Variants in DOCK9 observed in about 807,000 individuals in gnomAD.
The protein encoded by DOCK9 is dedicator of cytokinesis protein 9.
DOCK9 carries 89 observed loss-of-function variants against 263.3 expected under a neutral mutation model. The ratio of observed to expected loss-of-function variants is 0.34; its 90% CI spans 0.28 to 0.40. The LOEUF (loss-of-function observed/expected upper bound fraction) is 0.40. DOCK9 is among the 10% of genes least tolerant of loss of function. DOCK9 has a pLI of 1.00. For missense variants in DOCK9, 2,140 were observed against 2,603.4 expected (o/e 0.82, Z 3.87); for synonymous variants, 976 against 973.1 (o/e 1.00, Z -0.06).
At chr13:98,891,273 A>C (rs957809798) in intron 15 of DOCK9, among the ~76,000 whole-genome samples, 5 of 152,146 alleles carry the variant, frequency 3.3e-5, no homozygotes, top group Non-Finnish European at 5.9e-5. Flanking sequence ...GGTTTTATGA[A>C]GGTATCAATT....
chr13:99,025,443 C>T (rs1338124452), intron 1 of DOCK9: 1 of 152,170 alleles, frequency 6.6e-6, no homozygotes, highest in East Asian at 1.9e-4. Flanking sequence ...GTCAAAACGA[C>T]AATGAGCTTT....
Position 98,873,271 on chromosome 13 carries a change from G to A in DOCK9, c.2944-4894C>T, listed in dbSNP as rs1361682193. ...TCCTTTTCCCCAGAGAAAAGCTTAG[G>A]CTTATGGTTTCAGCAGATTGGTACT... On this transcript the variant is annotated intron_variant, in intron 27 of 52. Transcript: ENST00000682017. Among the ~76,000 whole-genome samples the A allele has an allele frequency of 3.3e-5, 5 of 152,286 alleles. No individual in the cohort carries two copies. In the East Asian group the frequency reaches 9.6e-4, roughly 29 times the overall value.
chr13:98,951,383 G>C (rs2057390595), intron 2 of DOCK9, among the ~76,000 whole-genome samples: 2 of 152,138 alleles, frequency 1.3e-5, no homozygotes, highest in African/African-American at 4.8e-5. Flanking sequence ...CCTAATGCTT[G>C]TAAAAATTTT....
At position 98,921,021 on chromosome 13, in the gene DOCK9, T is replaced by G. The variant is rs1201883311; in HGVS notation, c.650A>C (p.Lys217Thr). 1 of 1,603,516 alleles carries G rather than the reference T, an allele frequency of 6.2e-7. No homozygotes were observed. The highest frequency in any genetic ancestry group is 1.7e-5 in the Admixed American group (1 of 58,646). Reference protein sequence around the residue: ...GDGSYNLNFYKDEKISKEPKG... With the variant: ...GDGSYNLNFYTDEKISKEPKG... Reference sequence around the variant, plus strand: ...TGGTTCTTTGGAGATCTTTTCATCTTTATAAAAATTCAAATTATAGGATCC... The same window carrying G: ...TGGTTCTTTGGAGATCTTTTCATCTGTATAAAAATTCAAATTATAGGATCC... The change falls in exon 7 of 53, where the codon AAA (lysine) becomes ACA (threonine). Residue 217 changes from lysine (K) to threonine (T), a missense_variant. By Grantham distance (78) the Lys-to-Thr change is moderately conservative. Transcript: ENST00000682017.
At chr13:98,812,563 T>TGCAA (rs1278456123) in intron 45 of DOCK9, among the ~76,000 whole-genome samples, 29 of 152,256 alleles carry the variant, frequency 1.9e-4, no homozygotes, top group African/African-American at 6.8e-4. Context: ...TCTCTTGAAG[T>TGCAA]GCAAGGGCTA....
chr13:98,840,588 G>A (rs1467614767), intron 38 of DOCK9, among the ~76,000 whole-genome samples: 2 of 152,176 alleles, frequency 1.3e-5, no homozygotes, highest in Non-Finnish European at 2.9e-5. Flanking sequence ...CACGTTACCT[G>A]CATAGTTCAA....
Position 98,886,579 on chromosome 13 carries a change from A to G in DOCK9, c.2089T>C (p.Phe697Leu), listed in dbSNP as rs755201670. 2.5e-6 allele frequency: 4 copies of G among 1,613,916 alleles called. No individual in the cohort carries two copies. The highest frequency in any genetic ancestry group is 3.4e-6 in the Non-Finnish European group (4 of 1,179,834). ...TGGTGATGGTGTAAAACTGCAGCAA[A>G]GGCGCTTCTTGTGAAAACTGGCCCA... Reference protein sequence around the residue: ...PGGPVFTRSAFAAVLHHHQNP... With the variant: ...PGGPVFTRSALAAVLHHHQNP... The change falls in exon 19 of 53, where the codon TTT (phenylalanine) becomes CTT (leucine). Residue 697 changes from phenylalanine (F) to leucine (L), a missense_variant. Around this residue, in one of 2 missense-constraint regions of DOCK9, gnomAD observed 1,521 missense variants for 1,741.7 expected, o/e 0.87. Coordinates refer to ENST00000682017, the MANE Select transcript of DOCK9 (RefSeq NM_001366683.2).
intron 1 of DOCK9, among the ~76,000 whole-genome samples, chr13:99,042,445 T>G (rs76588472): frequency 0.017 from 2,553 of 152,306 alleles, 75 homozygotes; most frequent in African/African-American, 0.057. Context: ...TTCCCAGATT[T>G]CTAAATGGGG....
At chr13:98,867,191 A>AT in intron 30 of DOCK9, 1 of 564,372 alleles carries the variant, frequency 1.8e-6, no homozygotes, top group East Asian at 3.4e-5. Flanking sequence ...AAGCAAAGGG[A>AT]TTTTTCAATG....
intron 38 of DOCK9, chr13:98,845,180 T>C (rs2093351457): frequency 2.2e-6 from 1 of 459,284 alleles, no homozygotes; most frequent in East Asian, 7.4e-5. Flanking sequence ...CTGATAAAAG[T>C]AAATTAAAAA....
At chr13:98,920,505 G>A (rs1326157226) in intron 7 of DOCK9, among the ~76,000 whole-genome samples, 1 of 152,174 alleles carries the variant, frequency 6.6e-6, no homozygotes, top group Non-Finnish European at 1.5e-5. Flanking sequence ...GTAAGTGGAG[G>A]AGCAGGGATT....
At position 98,860,407 on chromosome 13, in the gene DOCK9, A is replaced by G. The variant is rs527367250; in HGVS notation, c.3695T>C (p.Ile1232Thr). 2.7e-5 allele frequency: 42 copies of G among 1,582,768 alleles called. No individual in the cohort carries two copies. In the African/African-American group the frequency reaches 3.1e-4, roughly 12 times the overall value. The change falls in exon 33 of 53, where the codon ATT becomes ACT. Residue 1232 changes from isoleucine (I) to threonine (T), a missense_variant and splice_region_variant. By Grantham distance (89) the Ile-to-Thr change is moderately conservative. Around this residue, in one of 2 missense-constraint regions of DOCK9, gnomAD observed 1,521 missense variants for 1,741.7 expected, o/e 0.87. Coordinates refer to ENST00000682017, the MANE Select transcript of DOCK9 (RefSeq NM_001366683.2). Reference protein sequence around the residue: ...HKDLLGAISGIASPYTTSTPN... With the variant: ...HKDLLGAISGTASPYTTSTPN... ...CCCACAAGAGCATGGAGCGTTACCA[A>G]TGCCGGAGATGGCGCCCAGCAGGTC...
At chr13:98,842,784 G>A (rs2093267607) in intron 38 of DOCK9, among the ~76,000 whole-genome samples, 1 of 152,184 alleles carries the variant, frequency 6.6e-6, no homozygotes, top group Admixed American at 6.5e-5. Flanking sequence ...CACTAAATAT[G>A]TCAAGGCCTA....
rs754893445 is a variant in DOCK9, at chr13:98,888,168, T to C, written c.2033A>G (p.Gln678Arg). 9.3e-6 allele frequency: 15 copies of C among 1,604,894 alleles called. No individual in the cohort carries two copies. The highest frequency in any genetic ancestry group is 1.2e-5 in the Non-Finnish European group (14 of 1,175,554). Residue 678 changes from glutamine (Q) to arginine (R), a missense_variant, in exon 18 of 53, where the codon CAG (glutamine) becomes CGG (arginine). Transcript: ENST00000682017. ...EFKDSDEEDS[Q>R]PLKCIYGRPG... ...TAAAAAAAAACAAACCTTAAGGGGCTGAGAGTCTTCCTCATCTGAATCTTT... is the reference window on the plus strand; with the variant it reads ...TAAAAAAAAACAAACCTTAAGGGGCCGAGAGTCTTCCTCATCTGAATCTTT...
At position 98,977,889 on chromosome 13, in the gene DOCK9, C is replaced by T; in HGVS notation, c.21G>A (p.Arg7=). 6.3e-7 allele frequency: 1 copy of T among 1,596,330 alleles called. No individual in the cohort carries two copies. The highest frequency in any genetic ancestry group is 2.3e-5 in the East Asian group (1 of 44,356). ...CCTTTTTGACACTTCTACTACTTGT[C>T]CTGCATTTATCAGCCTGCATTCTCG... MQADKC[R]TSSRSVKKEL... The change falls in exon 1 of 53, where the codon AGG becomes AGA. Residue 7 remains arginine (R), a synonymous_variant. Coordinates refer to ENST00000682017, the MANE Select transcript of DOCK9 (RefSeq NM_001366683.2).
chr13:98,906,987 G>T (rs376871417), intron 9 of DOCK9, among the ~76,000 whole-genome samples: 4 of 152,174 alleles, frequency 2.6e-5, no homozygotes, highest in Non-Finnish European at 4.4e-5. Flanking sequence ...GTGAAGGGGC[G>T]TTCCTGCAAT....
intron 2 of DOCK9, among the ~76,000 whole-genome samples, chr13:98,939,053 C>G (rs2055374147): frequency 6.6e-6 from 1 of 152,192 alleles, no homozygotes; most frequent in Non-Finnish European, 1.5e-5. Flanking sequence ...AGCACAGGCT[C>G]TGATGCAGGA....
chr13:99,020,917 AG>A (rs1183006009), intron 1 of DOCK9, among the ~76,000 whole-genome samples: 1 of 152,228 alleles, frequency 6.6e-6, no homozygotes, highest in Non-Finnish European at 1.5e-5. Context: ...AAGTAAAGGG[AG>A]GACAGATAGA....
rs776744645 is a variant in DOCK9, at chr13:98,824,472, C to A, written c.5056G>T (p.Val1686Phe). The change falls in exon 45 of 53, where the codon GTC becomes TTC. Residue 1686 changes from valine (V) to phenylalanine (F), a missense_variant. Physicochemically the swap from Val to Phe is conservative, Grantham distance 50 (BLOSUM62 -1). Transcript: ENST00000682017. ...TCCTCGTCGATGTTTGGGGTAATGA[C>A]CCTGAAGGCGGTGCATCCTTGTCTA... ...VFRQGCTAFR[V>F]ITPNIDEEAS... 2 of 1,613,748 alleles carry A rather than the reference C, an allele frequency of 1.2e-6. No homozygotes were observed. Among genetic ancestry groups the A allele is most frequent in the Non-Finnish European group, 1.7e-6 (2 of 1,179,822 alleles).
Sources: allele counts gnomAD v4.1 joint callset (sites outside exome capture counted in the v4.1 genomes callset), GRCh38; gene constraint gnomAD v4.1.1; regional missense constraint gnomAD v4.1.1; transcripts MANE v1.5; gene names NCBI Gene and HGNC (gene_info 2026-07-23, HGNC 2026-07-21).